Variants in CDH22 observed in about 807,000 individuals in gnomAD.
CDH22 encodes cadherin-22.
Under a neutral mutation model 58.4 loss-of-function variants are expected in CDH22, and 30 were observed. The ratio of observed to expected loss-of-function variants is 0.51; its 90% CI spans 0.38 to 0.70. The LOEUF (loss-of-function observed/expected upper bound fraction) is 0.70. Ranked by LOEUF, CDH22 falls within the 30% of genes least tolerant of loss-of-function variation. The pLI, the probability that CDH22 is intolerant of heterozygous loss-of-function variation, is 0.00. For synonymous variants in CDH22, 513 were observed against 558.2 expected (o/e 0.92, Z 1.14); for missense variants, 1,014 against 1,233.9 (o/e 0.82, Z 2.67).
intron 8 of CDH22, among the ~76,000 whole-genome samples, chr20:46,192,830 G>A (rs1054209625): frequency 3.3e-5 from 5 of 152,050 alleles, no homozygotes; most frequent in East Asian, 3.9e-4. Flanking sequence ...TGAGGCGCAC[G>A]GGACGAGCAG....
intron 3 of CDH22, among the ~76,000 whole-genome samples, chr20:46,236,692 TAGAGAG>T (rs74174558): frequency 6.9e-6 from 1 of 144,102 alleles, no homozygotes; most frequent in African/African-American, 2.6e-5. Flanking sequence ...TATATATACA[TAGAGAG>T]AGAGAGAGAG....
At chr20:46,280,500 C>G (rs543231142) in intron 1 of CDH22, among the ~76,000 whole-genome samples, 1 of 152,306 alleles carries the variant, frequency 6.6e-6, no homozygotes, top group African/African-American at 2.4e-5. Flanking sequence ...GGGCAGAGTC[C>G]TCTGAGCACC....
At chr20:46,286,343 C>T (rs965467620) in intron 1 of CDH22, among the ~76,000 whole-genome samples, 1 of 152,152 alleles carries the variant, frequency 6.6e-6, no homozygotes, top group Admixed American at 6.5e-5. Context: ...CCACGCCTGG[C>T]CCTCAAGCCT....
chr20:46,251,505 C>A lies in CDH22; in HGVS notation c.-211G>T. On this transcript the variant is annotated 5_prime_UTR_variant, in exon 2 of 12. Coordinates refer to ENST00000537909, the MANE Select transcript of CDH22 (RefSeq NM_021248.3). This position sits in a 1 kb window ranked among gnomAD's most constrained non-coding sequence, Gnocchi z 6.7. ...CGGCTGGAGGGGGAGGGGGCGCGGC[C>A]GCATCCGGGGCATGGACAGCCCCCG... 2.3e-6 allele frequency: 1 copy of A among 431,266 alleles called. No homozygotes were observed. The highest frequency in any genetic ancestry group is 9.1e-5 in the South Asian group (1 of 10,964). The allele number at this position is 431,266 out of a possible 1,614,324, so 26.7% of individuals were successfully genotyped here.
chr20:46,283,897 C>G (rs1325286065), intron 1 of CDH22, among the ~76,000 whole-genome samples: 4 of 152,108 alleles, frequency 2.6e-5, no homozygotes, highest in Admixed American at 2.6e-4. Context: ...CCCACCACAG[C>G]CAAATGTTGC....
intron 1 of CDH22, among the ~76,000 whole-genome samples, chr20:46,270,001 A>T (rs2086479364): frequency 6.6e-6 from 1 of 152,182 alleles, no homozygotes; most frequent in Non-Finnish European, 1.5e-5. Context: ...GGAGTCAGGT[A>T]GGCTTGCTGC....
chr20:46,280,847 C>T (rs535173144), intron 1 of CDH22, among the ~76,000 whole-genome samples: 2 of 152,370 alleles, frequency 1.3e-5, no homozygotes, highest in East Asian at 3.9e-4. Context: ...CCAAGAGCTT[C>T]TCCAACTCTG....
At chr20:46,245,486 G>C (rs574265327) in intron 2 of CDH22, among the ~76,000 whole-genome samples, 1 of 152,216 alleles carries the variant, frequency 6.6e-6, no homozygotes, top group East Asian at 1.9e-4. Context: ...GCACACACTA[G>C]GTACCCTGAC....
Position 46,199,454 on chromosome 20 carries a change from C to A in CDH22, c.1392G>T (p.Trp464Cys). 6.2e-7 allele frequency: 1 copy of A among 1,613,158 alleles called. No homozygotes were observed. The highest frequency in any genetic ancestry group is 8.5e-7 in the Non-Finnish European group (1 of 1,179,998). Reference sequence around the variant, plus strand: ...CCATGGCCAGCACTGTGATGTTGTGCCAGCCGGCCGTCTCGCGGTCCAGCC... The same window carrying A: ...CCATGGCCAGCACTGTGATGTTGTGACAGCCGGCCGTCTCGCGGTCCAGCC... Reference protein sequence around the residue: ...GKGLDRETAGWHNITVLAMEA... With the variant: ...GKGLDRETAGCHNITVLAMEA... Residue 464 changes from tryptophan (W) to cysteine (C), a missense_variant, in exon 8 of 12, where the codon TGG (tryptophan) becomes TGT (cysteine). Physicochemically the swap from Trp to Cys is radical, Grantham distance 215 (BLOSUM62 -2). Coordinates refer to ENST00000537909, the MANE Select transcript of CDH22 (RefSeq NM_021248.3).
rs770860235 is a variant in CDH22, at chr20:46,174,981, T to C, written c.2012A>G (p.Asn671Ser). 1.2e-6 allele frequency: 2 copies of C among 1,606,318 alleles called. No individual in the cohort carries two copies. The highest frequency in any genetic ancestry group is 8.5e-7 in the Non-Finnish European group (1 of 1,179,204). The change falls in exon 12 of 12, where the codon AAC becomes AGC. Residue 671 changes from asparagine to serine, a missense_variant. Physicochemically the swap from Asn to Ser is conservative, Grantham distance 46. Transcript: ENST00000537909. The surrounding 1 kb of genome is among the most constrained non-coding windows in gnomAD (Gnocchi z 4.4). Reference sequence around the variant, plus strand: ...GTCCTGCTCGCCGCCGCCTTCGTCGTTGTATTTGATGACGTTGTCCCGCAT... The same window carrying C: ...GTCCTGCTCGCCGCCGCCTTCGTCGCTGTATTTGATGACGTTGTCCCGCAT... ...EDMRDNVIKYNDEGGGEQDTE... is the reference protein window; with the variant it reads ...EDMRDNVIKYSDEGGGEQDTE...
At chr20:46,256,026 G>T (rs538921192) in intron 1 of CDH22, among the ~76,000 whole-genome samples, 2 of 152,148 alleles carry the variant, frequency 1.3e-5, no homozygotes, top group Non-Finnish European at 2.9e-5. Flanking sequence ...TAATCTGTCC[G>T]TCTGCCCATG....
At chr20:46,240,027 G>T (rs934624649) in intron 3 of CDH22, among the ~76,000 whole-genome samples, 3 of 152,120 alleles carry the variant, frequency 2.0e-5, no homozygotes, top group Non-Finnish European at 4.4e-5. Flanking sequence ...GCTCCTGGGT[G>T]TGTGCAGTCA....
chr20:46,282,542 G>A (rs565433245), intron 1 of CDH22, among the ~76,000 whole-genome samples: 3 of 152,284 alleles, frequency 2.0e-5, no homozygotes, highest in East Asian at 3.9e-4. Context: ...ATAAATATTC[G>A]TAAAAGAGTT....
At chr20:46,224,418 G>T (rs1316635038) in intron 4 of CDH22, among the ~76,000 whole-genome samples, 1 of 152,124 alleles carries the variant, frequency 6.6e-6, no homozygotes, top group Non-Finnish European at 1.5e-5. Context: ...AAGTGAGATG[G>T]GTATGATTCT....
At chr20:46,257,984 T>C (rs1016512903) in intron 1 of CDH22, among the ~76,000 whole-genome samples, 2 of 151,990 alleles carry the variant, frequency 1.3e-5, no homozygotes, top group Non-Finnish European at 2.9e-5. Context: ...AATGCTGCCA[T>C]TGAGGGGTAA....
At chr20:46,188,423 A>G (rs2085841557) in intron 8 of CDH22, among the ~76,000 whole-genome samples, 1 of 152,144 alleles carries the variant, frequency 6.6e-6, no homozygotes, top group African/African-American at 2.4e-5. Flanking sequence ...GCGTTCCATT[A>G]TTGGAACGCT....
At chr20:46,284,883 G>A (rs1829853497) in intron 1 of CDH22, among the ~76,000 whole-genome samples, 1 of 152,102 alleles carries the variant, frequency 6.6e-6, no homozygotes, top group South Asian at 2.1e-4. Flanking sequence ...TGGGAAAATG[G>A]GAGGGAAAGT....
chr20:46,236,536 T>TATATATAA (rs1026698600), intron 3 of CDH22, among the ~76,000 whole-genome samples: 2 of 140,496 alleles, frequency 1.4e-5, no homozygotes, highest in Non-Finnish European at 3.0e-5. Context: ...ATAATATATT[T>TATATATAA]ATATATAAAT....
At position 46,288,800 on chromosome 20, in the gene CDH22, C is replaced by T. The variant is rs73295878; in HGVS notation, c.-400+19455G>A. On this transcript the variant is annotated intron_variant, in intron 1 of 11. Transcript: ENST00000537909. ...CCTTAAAATAGATCCAGAATCTGGC[C>T]GATCTTGCCACCTTCATTGTTAGCA... Among the ~76,000 whole-genome samples, 601 of 152,254 alleles carry T rather than the reference C, an allele frequency of 3.9e-3. 9 individuals are homozygous for T. Among genetic ancestry groups the T allele is most frequent in the African/African-American group, 0.014 (566 of 41,542 alleles).
Sources: allele counts gnomAD v4.1 joint callset (sites outside exome capture counted in the v4.1 genomes callset), GRCh38; gene constraint gnomAD v4.1.1; non-coding constraint Gnocchi (gnomAD v3.1); transcripts MANE v1.5; gene names NCBI Gene and HGNC (gene_info 2026-07-23, HGNC 2026-07-21).